The following FAT3 variants were observed in gnomAD, a reference collection of about 807,000 sequenced individuals.
FAT3 encodes the protein FAT atypical cadherin 3.
Under a neutral mutation model 310.2 loss-of-function variants are expected in FAT3, and 95 were observed. The observed-to-expected ratio is 0.31, with a 90% CI of 0.26 to 0.36. The LOEUF (loss-of-function observed/expected upper bound fraction) is 0.36. Ranked by LOEUF, FAT3 falls within the 10% of genes least tolerant of loss-of-function variation. FAT3 has a pLI of 1.00. For missense variants in FAT3, 5,408 were observed against 5,715.6 expected (o/e 0.95, Z 1.74); for synonymous variants, 2,314 against 2,192.9 (o/e 1.06, Z -1.54).
chr11:92,392,408 A>T (rs1267854613), intron 2 of FAT3, among the ~76,000 whole-genome samples: 1 of 152,150 alleles, frequency 6.6e-6, no homozygotes, highest in Admixed American at 6.5e-5. Context: ...TTGGTGAGCC[A>T]GGACGTATTT....
chr11:92,795,597 A>C (rs2136170577), intron 9 of FAT3, among the ~76,000 whole-genome samples: 1 of 152,158 alleles, frequency 6.6e-6, no homozygotes, highest in East Asian at 2.0e-4. Context: ...ATCAGCGGCC[A>C]TGGGATAGCA....
rs143188572 is a variant in FAT3 at position 92,766,142 on chromosome 11, C to T, written c.4195+1053C>T. On this transcript the variant is annotated intron_variant, in intron 6 of 27. Transcript: ENST00000525166. ...TTCCTTGAAAGAAAGCAAGCAAGCA[C>T]GCCAGGCTGCAAAAGGAAAGGGCAA... 7.5e-3 allele frequency among the ~76,000 whole-genome samples: 1,137 copies of T among 152,230 alleles called. 9 individuals are homozygous for T. The highest frequency in any genetic ancestry group is 0.012 in the Non-Finnish European group (827 of 68,020).
At position 92,844,104 on chromosome 11, in the gene FAT3, C is replaced by T; in HGVS notation, c.10737C>T (p.Asp3579=). Residue 3579 remains aspartate (D), a synonymous_variant, in exon 19 of 28, where the codon GAC becomes GAT. Transcript: ENST00000525166. ...GGAAGATTCATGCCACAGATCAAGA[C>T]ATGTATGATGTGCTCACATTTGCCC... is the stretch of plus-strand genomic sequence containing the variant. ...VIGKIHATDQ[D]MYDVLTFALK... is the part of the protein sequence containing the mutation. 6.2e-7 allele frequency: 1 copy of T among 1,614,004 alleles called. No individual in the cohort carries two copies.
chr11:92,358,996 T>G (rs1403750164), intron 2 of FAT3, among the ~76,000 whole-genome samples: 2 of 152,178 alleles, frequency 1.3e-5, no homozygotes, highest in Non-Finnish European at 2.9e-5. Flanking sequence ...GTGTTTGCAT[T>G]GGTTAGCAGC....
chr11:92,663,251 A>G (rs1327722524), intron 3 of FAT3, among the ~76,000 whole-genome samples: 2 of 152,180 alleles, frequency 1.3e-5, no homozygotes, highest in African/African-American at 4.8e-5. Flanking sequence ...TATTGCAGGA[A>G]GGTTGAGTGG....
Position 92,800,092 on chromosome 11 carries a change from G to T in FAT3, c.7079G>T (p.Cys2360Phe). 6.2e-7 allele frequency: 1 copy of T among 1,613,956 alleles called. No individual in the cohort carries two copies. Among genetic ancestry groups the T allele is most frequent in the African/African-American group, 1.3e-5 (1 of 75,040 alleles). Reference sequence around the variant, plus strand: ...CTGGACCATGAGTTAGTACAACACTGCACTTTGAAAGTCAGATCAATAGAT... The same window carrying T: ...CTGGACCATGAGTTAGTACAACACTTCACTTTGAAAGTCAGATCAATAGAT... Reference protein sequence around the residue: ...RMLDHELVQHCTLKVRSIDSG... With the variant: ...RMLDHELVQHFTLKVRSIDSG... Residue 2360 changes from cysteine (C) to phenylalanine (F), a missense_variant, in exon 10 of 28, where the codon TGC (cysteine) becomes TTC (phenylalanine). Physicochemically the swap from Cys to Phe is radical, Grantham distance 205. This residue lies in a region of FAT3 where 4,588 missense variants were observed against 4,809.8 expected (regional missense o/e 0.95). Transcript: ENST00000525166.
intron 1 of FAT3, among the ~76,000 whole-genome samples, chr11:92,233,061 A>G (rs1427147517): frequency 1.3e-5 from 2 of 152,172 alleles, no homozygotes; most frequent in Admixed American, 6.5e-5. Flanking sequence ...GTTGTTGGAT[A>G]TATTTCTTTT....
chr11:92,670,577 G>C (rs1256809124), intron 3 of FAT3, among the ~76,000 whole-genome samples: 1 of 152,148 alleles, frequency 6.6e-6, no homozygotes, highest in Non-Finnish European at 1.5e-5. Context: ...GTATCCTTTT[G>C]AGCCAGCTCG....
intron 2 of FAT3, among the ~76,000 whole-genome samples, chr11:92,478,475 G>A (rs1412246839): frequency 6.6e-6 from 1 of 152,064 alleles, no homozygotes; most frequent in Non-Finnish European, 1.5e-5. Flanking sequence ...TGCTTCCAAC[G>A]AGTTCCTCAC....
At chr11:92,805,559 C>G (rs1253672206) in intron 11 of FAT3, among the ~76,000 whole-genome samples, 1 of 129,834 alleles carries the variant, frequency 7.7e-6, no homozygotes, top group Non-Finnish European at 1.7e-5. Flanking sequence ...ATTTTGTACC[C>G]TGCCCCCAAC....
chr11:92,449,181 T>G (rs148002035), intron 2 of FAT3, among the ~76,000 whole-genome samples: 109 of 152,274 alleles, frequency 7.2e-4, no homozygotes, highest in African/African-American at 2.5e-3. Flanking sequence ...TCAGCCTGAG[T>G]ACTGAACAAT....
chr11:92,414,091 G>T (rs962914532), intron 2 of FAT3, among the ~76,000 whole-genome samples: 1 of 152,124 alleles, frequency 6.6e-6, no homozygotes, highest in Non-Finnish European at 1.5e-5. Context: ...CTTGGTTAAT[G>T]ATGCTCAGTC....
In FAT3 at chr11:92,834,947, G is replaced by A; in HGVS notation, c.9949G>A (p.Gly3317Ser). 2.5e-6 allele frequency: 4 copies of A among 1,613,120 alleles called. No homozygotes were observed. The highest frequency in any genetic ancestry group is 3.4e-6 in the Non-Finnish European group (4 of 1,179,586). Residue 3317 changes from glycine to serine, a missense_variant, in exon 15 of 28, where the codon GGC becomes AGC. Physicochemically the swap from Gly to Ser is moderately conservative, Grantham distance 56. Coordinates refer to ENST00000525166, the MANE Select transcript of FAT3 (RefSeq NM_001367949.2). Reference sequence around the variant, plus strand: ...CCTGGTAGTGGAAGCCAAAGATGGGGGCACCCCAGCTCTCAGCGCTGTGGC... The same window carrying A: ...CCTGGTAGTGGAAGCCAAAGATGGGAGCACCCCAGCTCTCAGCGCTGTGGC... ...FYLVVEAKDG[G>S]TPALSAVATV...
chr11:92,774,413 T>A (rs184541405), intron 7 of FAT3, among the ~76,000 whole-genome samples: 53 of 152,358 alleles, frequency 3.5e-4, no homozygotes, highest in African/African-American at 1.2e-3. Context: ...AAATAATGCG[T>A]GTTTCTTTCC....
intron 3 of FAT3, among the ~76,000 whole-genome samples, chr11:92,534,813 A>G (rs906760324): frequency 3.9e-5 from 6 of 152,222 alleles, no homozygotes; most frequent in Admixed American, 6.5e-5. Flanking sequence ...AAACATACAA[A>G]TGTATTTAAC....
At chr11:92,820,427 C>A (rs891142456) in intron 13 of FAT3, among the ~76,000 whole-genome samples, 1 of 152,174 alleles carries the variant, frequency 6.6e-6, no homozygotes, top group African/African-American at 2.4e-5. Flanking sequence ...GCCTTATCTC[C>A]AAAGCAGTCT....
At chr11:92,265,884 C>T (rs552946457) in intron 1 of FAT3, among the ~76,000 whole-genome samples, 1 of 152,064 alleles carries the variant, frequency 6.6e-6, no homozygotes, top group Non-Finnish European at 1.5e-5. Context: ...AGATTCAACA[C>T]ATACATCTTT....
intron 2 of FAT3, among the ~76,000 whole-genome samples, chr11:92,358,915 A>G (rs1217265560): frequency 6.6e-6 from 1 of 152,218 alleles, no homozygotes; most frequent in East Asian, 1.9e-4. Context: ...ACCTGTGGGC[A>G]TAGAATGGCC....
chr11:92,672,076 G>A (rs1277987198), intron 3 of FAT3, among the ~76,000 whole-genome samples: 1 of 152,110 alleles, frequency 6.6e-6, no homozygotes, highest in Non-Finnish European at 1.5e-5. Flanking sequence ...CCAAGATCAT[G>A]CCACTGCACT....
Sources: allele counts gnomAD v4.1 joint callset (sites outside exome capture counted in the v4.1 genomes callset), GRCh38; gene constraint gnomAD v4.1.1; regional missense constraint gnomAD v4.1.1; transcripts MANE v1.5; gene names NCBI Gene and HGNC (gene_info 2026-07-23, HGNC 2026-07-21).